Variants in ERGIC2 observed in about 807,000 individuals in gnomAD.
ERGIC2 encodes ERGIC and golgi 2.
ERGIC2 carries 31 observed loss-of-function variants against 52.5 expected under a neutral mutation model. The observed-to-expected ratio is 0.59, with a 90% confidence interval of 0.44 to 0.80. The LOEUF is 0.80. ERGIC2 is among the 30% of genes least tolerant of loss of function. The pLI is 0.00. For missense variants in ERGIC2, 395 were observed against 455.2 expected (o/e 0.87, Z 1.20); for synonymous variants, 129 against 140.6 (o/e 0.92, Z 0.58).
chr12:29,361,642 T>A lies in ERGIC2; in HGVS notation c.374+3A>T. ...GGACCACAATACTTTGTTCTCTTAT[T>A]ACCTCTGCCACTCTTTCTGCTGTGG... On this transcript the variant is annotated splice_donor_region_variant and intron_variant, in intron 6 of 13. Coordinates refer to ENST00000360150, the MANE Select transcript of ERGIC2 (RefSeq NM_016570.3). The A allele has an allele frequency of 6.2e-7, 1 of 1,605,648 alleles. No individual in the cohort carries two copies. The highest frequency in any genetic ancestry group is 8.5e-7 in the Non-Finnish European group (1 of 1,175,472).
chr12:29,340,801 C>A lies in ERGIC2; in HGVS notation c.*355G>T. On this transcript the variant is annotated 3_prime_UTR_variant, in exon 14 of 14. Transcript: ENST00000360150. ...TGCACTTCTCAATGTTTTTTTTTTTCCCATAGATGTAGTTTCACTTATTTC... is the reference window on the plus strand; with the variant it reads ...TGCACTTCTCAATGTTTTTTTTTTTACCATAGATGTAGTTTCACTTATTTC... 2.4e-6 allele frequency: 1 copy of A among 416,810 alleles called. No homozygotes were observed. The highest frequency in any genetic ancestry group is 4.6e-6 in the Non-Finnish European group (1 of 217,132). 25.8% of individuals were successfully genotyped at this position (416,810 alleles called of 1,614,324 possible). A position where few individuals can be genotyped will look rare whatever the true frequency, so the allele number is the denominator to read the frequency against.
intron 11 of ERGIC2, among the ~76,000 whole-genome samples, chr12:29,344,195 T>G (rs932192286): frequency 1.3e-5 from 2 of 152,196 alleles, no homozygotes; most frequent in Non-Finnish European, 2.9e-5. Flanking sequence ...TCTTCTACTA[T>G]TACAGATAAC....
intron 11 of ERGIC2, among the ~76,000 whole-genome samples, chr12:29,344,678 A>C (rs1167264988): frequency 6.6e-6 from 1 of 152,126 alleles, no homozygotes; most frequent in African/African-American, 2.4e-5. Context: ...CAAAAAAAAA[A>C]ATTCCACAAT....
intron 2 of ERGIC2, 77 bp downstream of exon 2, chr12:29,371,451 A>T: frequency 1.1e-6 from 1 of 908,896 alleles, no homozygotes; most frequent in Non-Finnish European, 1.7e-6. Context: ...CCTCATGGCT[A>T]CATTTCTATA....
intron 6 of ERGIC2, among the ~76,000 whole-genome samples, chr12:29,360,041 T>C (rs1384847142): frequency 1.3e-5 from 2 of 151,994 alleles, no homozygotes; most frequent in East Asian, 1.9e-4. Context: ...AATAAAAGCA[T>C]AGTACCAATT....
intron 8 of ERGIC2, 46 bp downstream of exon 8, chr12:29,356,336 G>A: frequency 8.5e-7 from 1 of 1,175,826 alleles, no homozygotes; most frequent in Non-Finnish European, 1.3e-6. Context: ...TTTTAACCAA[G>A]CTCCAACTTT....
intron 9 of ERGIC2, among the ~76,000 whole-genome samples, chr12:29,349,648 ACTTAAGT>A (rs1456549331): frequency 1.3e-5 from 2 of 152,108 alleles, no homozygotes; most frequent in African/African-American, 4.8e-5. Flanking sequence ...GACTTTAAGA[ACTTAAGT>A]CTTAAGACAA....
At chr12:29,368,211 G>A in intron 4 of ERGIC2, 30 bp downstream of exon 4, 1 of 1,412,752 alleles carries the variant, frequency 7.1e-7, no homozygotes, top group Non-Finnish European at 1.0e-6. Context: ...TAACCTACAT[G>A]TGGATTCAGC....
intron 8 of ERGIC2, among the ~76,000 whole-genome samples, chr12:29,354,741 G>A (rs1940179027): frequency 6.6e-6 from 1 of 152,100 alleles, no homozygotes; most frequent in Non-Finnish European, 1.5e-5. Flanking sequence ...ATTGTGAAAA[G>A]ACCAAAAACA....
At chr12:29,356,752 C>G (rs1425063435) in intron 7 of ERGIC2, among the ~76,000 whole-genome samples, 6 of 151,572 alleles carry the variant, frequency 4.0e-5, no homozygotes, top group Non-Finnish European at 5.9e-5. Context: ...TGACAGAAGA[C>G]TAAAACAAAA....
chr12:29,349,993 A>G lies in ERGIC2; in HGVS notation c.628+20T>C, dbSNP rs1217701456. ...TTTTTCAAGTACATCTTTACTGAAA[A>G]AAAGTCAGAATCTGCTTACATTCAT... On this transcript the variant is annotated intron_variant, in intron 9 of 13. Coordinates refer to ENST00000360150, the MANE Select transcript of ERGIC2 (RefSeq NM_016570.3). 6.5e-7 allele frequency: 1 copy of G among 1,548,022 alleles called. No individual in the cohort carries two copies. The highest frequency in any genetic ancestry group is 1.7e-5 in the Admixed American group (1 of 59,246).
intron 1 of ERGIC2, chr12:29,380,461 A>G (rs1565548297): frequency 6.6e-6 from 1 of 152,124 alleles, no homozygotes; most frequent in African/African-American, 2.4e-5. Flanking sequence ...GTTTTCTCAA[A>G]CAATGACCTG....
At chr12:29,373,191 A>C (rs2136880924) in intron 1 of ERGIC2, among the ~76,000 whole-genome samples, 1 of 152,240 alleles carries the variant, frequency 6.6e-6, no homozygotes, top group South Asian at 2.1e-4. Flanking sequence ...CTATTTTTAT[A>C]ATCAAAACAT....
At chr12:29,375,586 A>G (rs144926728) in intron 1 of ERGIC2, among the ~76,000 whole-genome samples, 1 of 152,212 alleles carries the variant, frequency 6.6e-6, no homozygotes, top group East Asian at 1.9e-4. Flanking sequence ...TACATTTCTA[A>G]AAGTTTATAT....
At chr12:29,368,676 A>C (rs1940397702) in intron 3 of ERGIC2, among the ~76,000 whole-genome samples, 1 of 151,928 alleles carries the variant, frequency 6.6e-6, no homozygotes, top group Non-Finnish European at 1.5e-5. Flanking sequence ...TCTGTTTATC[A>C]AACACCATAT....
intron 8 of ERGIC2, among the ~76,000 whole-genome samples, chr12:29,356,027 C>CT (rs112322048): frequency 0.059 from 8,640 of 146,272 alleles, 767 homozygotes; most frequent in African/African-American, 0.2. Flanking sequence ...AAAGTATTTA[C>CT]TTTTTTTTTT....
At chr12:29,364,913 C>T (rs1291264699) in intron 5 of ERGIC2, among the ~76,000 whole-genome samples, 2 of 149,338 alleles carry the variant, frequency 1.3e-5, no homozygotes, top group Non-Finnish European at 3.0e-5. Context: ...GGCCATCTCA[C>T]ACCAGTCAGA....
At chr12:29,350,574 T>C (rs1489046182) in intron 8 of ERGIC2, among the ~76,000 whole-genome samples, 1 of 152,098 alleles carries the variant, frequency 6.6e-6, no homozygotes, top group Non-Finnish European at 1.5e-5. Context: ...TTGAGCATAT[T>C]CATTGCTTGA....
chr12:29,380,968 C>G (rs1940580380), intron 1 of ERGIC2, 147 bp downstream of exon 1: 1 of 152,254 alleles, frequency 6.6e-6, no homozygotes, highest in Non-Finnish European at 1.5e-5. Context: ...GGTGGAGCGG[C>G]TTCTCCGTCC....
Sources: gnomAD v4.1 joint callset for allele counts (sites outside exome capture counted in the v4.1 genomes callset) on GRCh38, gnomAD v4.1.1 for gene constraint, MANE v1.5 for transcripts, NCBI Gene and HGNC (gene_info 2026-07-23, HGNC 2026-07-21) for gene names.